DCC: variants seen among roughly 807,000 people sequenced by gnomAD.
DCC encodes netrin receptor DCC.
In DCC, 58 loss-of-function variants were observed where a neutral mutation model predicts 172.5. That is an observed-to-expected ratio of 0.34 (90% CI 0.27 to 0.42). The LOEUF (loss-of-function observed/expected upper bound fraction) is 0.42. Ranked by LOEUF, DCC falls within the 10% of genes least tolerant of loss-of-function variation. DCC has a pLI of 1.00. For synonymous variants in DCC, 709 were observed against 644.5 expected (o/e 1.10, Z -1.52); for missense variants, 1,740 against 1,791.0 (o/e 0.97, Z 0.51).
At chr18:52,987,832 A>G (rs1005992586) in intron 5 of DCC, among the ~76,000 whole-genome samples, 2 of 152,226 alleles carry the variant, frequency 1.3e-5, no homozygotes, top group South Asian at 4.1e-4. Flanking sequence ...CACATAACAC[A>G]AAAATTATTT....
intron 1 of DCC, among the ~76,000 whole-genome samples, chr18:52,722,075 T>C (rs1363950485): frequency 6.6e-6 from 1 of 152,084 alleles, no homozygotes; most frequent in African/African-American, 2.4e-5. Context: ...GTAGGTAAAA[T>C]GCACATTGCA....
intron 2 of DCC, among the ~76,000 whole-genome samples, chr18:52,780,930 T>C (rs1224600365): frequency 6.6e-6 from 1 of 152,180 alleles, no homozygotes; most frequent in Non-Finnish European, 1.5e-5. Flanking sequence ...TGGAAAGATA[T>C]GATTTCTTTC....
intron 5 of DCC, among the ~76,000 whole-genome samples, chr18:52,935,928 A>T (rs187748353): frequency 5.6e-4 from 85 of 152,224 alleles, no homozygotes; most frequent in African/African-American, 1.9e-3. Flanking sequence ...AATTGCCCTT[A>T]TTAACAGGAC....
intron 1 of DCC, among the ~76,000 whole-genome samples, chr18:52,745,180 G>T (rs546946649): frequency 6.6e-6 from 1 of 152,088 alleles, no homozygotes; most frequent in East Asian, 1.9e-4. Flanking sequence ...TTAATAAAAC[G>T]TGTTGAAATA....
chr18:52,973,690 G>A (rs1188833356), intron 5 of DCC, among the ~76,000 whole-genome samples: 1 of 152,150 alleles, frequency 6.6e-6, no homozygotes, highest in East Asian at 1.9e-4. Context: ...GGTGAGAAAG[G>A]TACCATCTTT....
intron 12 of DCC, among the ~76,000 whole-genome samples, chr18:53,220,626 T>C (rs2055917549): frequency 1.3e-5 from 2 of 152,206 alleles, no homozygotes. Context: ...TGCTTATTAA[T>C]GAACAATTTA....
intron 12 of DCC, among the ~76,000 whole-genome samples, chr18:53,217,498 G>A (rs569667801): frequency 2.6e-5 from 4 of 152,112 alleles, no homozygotes; most frequent in African/African-American, 9.6e-5. Context: ...CCCAGGCACT[G>A]GAAAGTCACA....
chr18:52,715,147 G>T (rs1464386866), intron 1 of DCC, among the ~76,000 whole-genome samples: 2 of 151,366 alleles, frequency 1.3e-5, no homozygotes, highest in Admixed American at 6.6e-5. Flanking sequence ...AATCTAGTTG[G>T]GTTATACCAA....
intron 1 of DCC, among the ~76,000 whole-genome samples, chr18:52,359,000 C>A (rs1350999746): frequency 6.6e-6 from 1 of 152,168 alleles, no homozygotes; most frequent in Non-Finnish European, 1.5e-5. Flanking sequence ...TCCTCCATGA[C>A]AACAATTCAT....
intron 18 of DCC, among the ~76,000 whole-genome samples, chr18:53,398,563 AAGG>A (rs1177619722): frequency 6.6e-6 from 1 of 152,150 alleles, no homozygotes; most frequent in East Asian, 1.9e-4. Context: ...TTTTACTTGA[AAGG>A]AGATGAATGT....
At chr18:53,354,685 A>C (rs1047001917) in intron 15 of DCC, among the ~76,000 whole-genome samples, 16 of 151,752 alleles carry the variant, frequency 1.1e-4, no homozygotes, top group Non-Finnish European at 1.0e-4. Context: ...TAGATTGCAA[A>C]AATTTTCTCC....
chr18:52,719,831 C>A (rs1462205592), intron 1 of DCC, among the ~76,000 whole-genome samples: 1 of 151,956 alleles, frequency 6.6e-6, no homozygotes, highest in Non-Finnish European at 1.5e-5. Flanking sequence ...GTTCAAGGGG[C>A]GGGATGGAGG....
rs554563352 is a variant in DCC at position 52,618,070 on chromosome 18, A to T, written c.92-133984A>T. Among the ~76,000 whole-genome samples the T allele has an allele frequency of 2.6e-5, 4 of 152,308 alleles. No individual in the cohort carries two copies. The South Asian group carries it at 8.3e-4, about 32-fold the overall frequency. On this transcript the variant is annotated intron_variant, in intron 1 of 28. Transcript: ENST00000442544. ...CTATGTTAAATTAGAAGGTTGTACA[A>T]ATATTTTACATTAGAGACCCCTTAG...
chr18:52,963,471 A>T (rs574129968), intron 5 of DCC, among the ~76,000 whole-genome samples: 11 of 152,280 alleles, frequency 7.2e-5, no homozygotes, highest in African/African-American at 2.6e-4. Flanking sequence ...CTGCAAATGG[A>T]TGCAATTTAG....
At chr18:53,139,031 T>C (rs554440916) in intron 7 of DCC, among the ~76,000 whole-genome samples, 2 of 152,204 alleles carry the variant, frequency 1.3e-5, no homozygotes, top group South Asian at 2.1e-4. Context: ...TTTTCTGCCC[T>C]TGTATTTGTG....
At position 52,999,458 on chromosome 18, in the gene DCC, G is replaced by A. The variant is rs370250623; in HGVS notation, c.986-63847G>A. Among the ~76,000 whole-genome samples the A allele has an allele frequency of 8.3e-4, 127 of 152,128 alleles. 4 individuals carry two copies. In the South Asian group the frequency reaches 0.022, roughly 26 times the overall value. Reference sequence around the variant, plus strand: ...CCTGTTTAGAAGGGGGCTTCTGTGCGGATGGAGCATGGCCAGAGGAGGCTC... The same window carrying A: ...CCTGTTTAGAAGGGGGCTTCTGTGCAGATGGAGCATGGCCAGAGGAGGCTC... On this transcript the variant is annotated intron_variant, in intron 5 of 28. Transcript: ENST00000442544.
intron 7 of DCC, among the ~76,000 whole-genome samples, chr18:53,072,144 G>C (rs995937174): frequency 3.9e-5 from 6 of 151,964 alleles, no homozygotes; most frequent in Non-Finnish European, 1.5e-5. Flanking sequence ...GAAAAAAAAA[G>C]AGTCAATGTG....
At chr18:53,318,764 T>G (rs922310550) in intron 13 of DCC, among the ~76,000 whole-genome samples, 68 of 118,342 alleles carry the variant, frequency 5.7e-4, no homozygotes, top group Middle Eastern at 4.3e-3. Context: ...TTTTTTTTTT[T>G]TTTTTTTGTG....
At chr18:52,518,769 T>C (rs1042468969) in intron 1 of DCC, among the ~76,000 whole-genome samples, 4 of 152,226 alleles carry the variant, frequency 2.6e-5, no homozygotes, top group African/African-American at 7.2e-5. Context: ...TGAGAATGTT[T>C]GAAAACAGAG....
Sources: gnomAD v4.1 joint callset for allele counts (sites outside exome capture counted in the v4.1 genomes callset) on GRCh38, gnomAD v4.1.1 for gene constraint, MANE v1.5 for transcripts, NCBI Gene and HGNC (gene_info 2026-07-23, HGNC 2026-07-21) for gene names.